Variants in PBX3 observed in about 807,000 individuals in gnomAD.
PBX3 encodes pre-B-cell leukemia transcription factor 3.
PBX3 carries 14 observed loss-of-function variants against 48.5 expected under a neutral mutation model. The ratio of observed to expected loss-of-function variants is 0.29; its 90% CI spans 0.19 to 0.45. The LOEUF is 0.45. Ranked by LOEUF, PBX3 falls within the 20% of genes least tolerant of loss-of-function variation. The pLI, the probability that PBX3 is intolerant of heterozygous loss-of-function variation, is 1.00. For missense variants in PBX3, 386 were observed against 546.7 expected (o/e 0.71, Z 2.93); for synonymous variants, 210 against 200.3 (o/e 1.05, Z -0.41).
At chr9:125,887,508 T>A (rs1840529397) in intron 2 of PBX3, among the ~76,000 whole-genome samples, 1 of 152,204 alleles carries the variant, frequency 6.6e-6, no homozygotes, top group Non-Finnish European at 1.5e-5. Flanking sequence ...ACAGACATTT[T>A]GAAGCTGTTT....
At chr9:125,853,275 C>T (rs887918478) in intron 2 of PBX3, among the ~76,000 whole-genome samples, 1 of 152,138 alleles carries the variant, frequency 6.6e-6, no homozygotes, top group Admixed American at 6.6e-5. Context: ...AAAATATAGC[C>T]ATGATTTCCT....
intron 5 of PBX3, among the ~76,000 whole-genome samples, chr9:125,938,184 C>T (rs964693881): frequency 1.3e-5 from 2 of 152,078 alleles, no homozygotes; most frequent in South Asian, 2.1e-4. Flanking sequence ...AGGGAAACTT[C>T]AGAAGAAGTG....
chr9:125,791,107 G>A (rs1837589934), intron 2 of PBX3, among the ~76,000 whole-genome samples: 1 of 151,984 alleles, frequency 6.6e-6, no homozygotes, highest in African/African-American at 2.4e-5. Flanking sequence ...GTAGAGACGG[G>A]GATTTGCCAT....
chr9:125,747,900 T>C (rs1836243191), intron 1 of PBX3, among the ~76,000 whole-genome samples: 1 of 151,294 alleles, frequency 6.6e-6, no homozygotes, highest in Non-Finnish European at 1.5e-5. Context: ...TGGCGTCCTT[T>C]CCCCCGTCCT....
At chr9:125,838,750 C>T (rs914097471) in intron 2 of PBX3, among the ~76,000 whole-genome samples, 1 of 152,106 alleles carries the variant, frequency 6.6e-6, no homozygotes, top group South Asian at 2.1e-4. Flanking sequence ...TACCAAAGTA[C>T]GAAACATTAG....
At chr9:125,935,798 G>A (rs572904059) in intron 5 of PBX3, among the ~76,000 whole-genome samples, 191 bp downstream of exon 5, 4 of 152,260 alleles carry the variant, frequency 2.6e-5, no homozygotes, top group Non-Finnish European at 5.9e-5. Flanking sequence ...TGTAAGTGGC[G>A]AAGAATCAAG....
At chr9:125,945,100 G>A (rs180786923) in intron 5 of PBX3, among the ~76,000 whole-genome samples, 8 of 152,126 alleles carry the variant, frequency 5.3e-5, no homozygotes, top group South Asian at 2.1e-4. Flanking sequence ...GGCGCATGCC[G>A]GTGGTTCTAG....
At chr9:125,938,637 A>G (rs1055128432) in intron 5 of PBX3, among the ~76,000 whole-genome samples, 2 of 152,196 alleles carry the variant, frequency 1.3e-5, no homozygotes, top group African/African-American at 4.8e-5. Context: ...CAAATGAGGA[A>G]TGTTCTATTG....
At chr9:125,946,245 A>T (rs549459628) in intron 5 of PBX3, among the ~76,000 whole-genome samples, 21 of 151,822 alleles carry the variant, frequency 1.4e-4, no homozygotes, top group East Asian at 7.8e-4. Context: ...CAAATACAAA[A>T]TTTTTTTTTG....
intron 2 of PBX3, among the ~76,000 whole-genome samples, chr9:125,790,258 CTT>C (rs1215679857): frequency 8.7e-5 from 13 of 149,490 alleles, no homozygotes; most frequent in African/African-American, 2.7e-4. Flanking sequence ...TTCTTTCTTT[CTT>C]TTTTTTTTTT....
chr9:125,869,772 CA>C (rs1196333737), intron 2 of PBX3, among the ~76,000 whole-genome samples: 2 of 151,878 alleles, frequency 1.3e-5, no homozygotes, highest in Non-Finnish European at 2.9e-5. Flanking sequence ...AAGAAAAAAA[CA>C]AAAACCCTCA....
chr9:125,889,007 A>C (rs1840569782), intron 2 of PBX3, among the ~76,000 whole-genome samples: 1 of 152,122 alleles, frequency 6.6e-6, no homozygotes, highest in African/African-American at 2.4e-5. Flanking sequence ...TACTCTTTTG[A>C]CTTTTAGGTA....
chr9:125,828,919 A>G (rs1838881012), intron 2 of PBX3, among the ~76,000 whole-genome samples: 1 of 152,238 alleles, frequency 6.6e-6, no homozygotes, highest in South Asian at 2.1e-4. Flanking sequence ...ATGCTTCTGC[A>G]GCTCCCTTGA....
chr9:125,839,536 G>A (rs10986970), intron 2 of PBX3, among the ~76,000 whole-genome samples: 3,064 of 152,294 alleles, frequency 0.02, 171 homozygotes, highest in East Asian at 0.17. Context: ...ATGAACTGAT[G>A]TAACTTCTTC....
At chr9:125,856,342 T>C (rs1039705592) in intron 2 of PBX3, among the ~76,000 whole-genome samples, 1 of 152,344 alleles carries the variant, frequency 6.6e-6, no homozygotes, top group East Asian at 1.9e-4. Context: ...GCTTTATTTC[T>C]GTCACAGGTC....
intron 2 of PBX3, among the ~76,000 whole-genome samples, chr9:125,880,178 G>A (rs1840349243): frequency 6.6e-6 from 1 of 152,172 alleles, no homozygotes; most frequent in Non-Finnish European, 1.5e-5. Flanking sequence ...TTGAGTAGCT[G>A]GGATTACAGG....
At position 125,783,720 on chromosome 9, in the gene PBX3, G is replaced by A. The variant is rs1339793215; in HGVS notation, c.274+35097G>A. On this transcript the variant is annotated intron_variant, in intron 2 of 8. Transcript: ENST00000373489. ...GCATATTCACAACTTATTTTGGGCC[G>A]GGAGCAGCAGCTTCATGCCTGTAAT... Among the ~76,000 whole-genome samples, 6 of 152,024 alleles carry A rather than the reference G, an allele frequency of 3.9e-5. No homozygotes were observed. The East Asian group carries it at 5.8e-4, about 15-fold the overall frequency.
intron 2 of PBX3, among the ~76,000 whole-genome samples, chr9:125,846,242 T>C (rs1839423726): frequency 1.3e-5 from 2 of 152,002 alleles, no homozygotes; most frequent in Admixed American, 1.3e-4. Context: ...ATGTGTAGGA[T>C]TGTGGGATAA....
chr9:125,813,128 T>G (rs1290246989), intron 2 of PBX3, among the ~76,000 whole-genome samples: 1 of 152,218 alleles, frequency 6.6e-6, no homozygotes, highest in Non-Finnish European at 1.5e-5. Flanking sequence ...ACTTTAATTT[T>G]TAACTTTTTG....
Sources: allele counts gnomAD v4.1 joint callset (sites outside exome capture counted in the v4.1 genomes callset), GRCh38; gene constraint gnomAD v4.1.1; transcripts MANE v1.5; gene names NCBI Gene and HGNC (gene_info 2026-07-23, HGNC 2026-07-21).